The following LRMDA variants were observed in gnomAD, a reference collection of about 807,000 sequenced individuals.
The protein encoded by LRMDA is leucine rich melanocyte differentiation associated.
A neutral mutation model predicts 29.8 loss-of-function variants in LRMDA; 18 were observed. The ratio of observed to expected loss-of-function variants is 0.60; its 90% CI spans 0.42 to 0.90. The LOEUF is 0.90. Ranked by LOEUF, LRMDA falls within the 40% of genes least tolerant of loss-of-function variation. The pLI, the probability that LRMDA is intolerant of heterozygous loss-of-function variation, is 0.00. For missense variants in LRMDA, 273 were observed against 273.9 expected (o/e 1.00, Z 0.02); for synonymous variants, 125 against 109.4 (o/e 1.14, Z -0.89).
chr10:75,909,026 C>A lies in LRMDA; in HGVS notation c.132-126982C>A, dbSNP rs147737743. 4.5e-3 allele frequency among the ~76,000 whole-genome samples: 681 copies of A among 152,256 alleles called. 3 individuals carry two copies. Among genetic ancestry groups the A allele is most frequent in the Middle Eastern group, 0.017 (5 of 294 alleles). On this transcript the variant is annotated intron_variant, in intron 2 of 6. Coordinates refer to ENST00000611255, the MANE Select transcript of LRMDA (RefSeq NM_001305581.2). ...TTAACTAGTAACTAACTCCTTCATT[C>A]ATTCTACAAATATTTGTTAAATATT... is the stretch of plus-strand genomic sequence containing the variant.
intron 5 of LRMDA, among the ~76,000 whole-genome samples, chr10:76,147,242 A>G: frequency 6.6e-6 from 1 of 152,100 alleles, no homozygotes; most frequent in Non-Finnish European, 1.5e-5. Flanking sequence ...GCCTTGCTAG[A>G]TTGGGGAAGT....
At chr10:75,825,542 A>G (rs921124598) in intron 2 of LRMDA, among the ~76,000 whole-genome samples, 2 of 152,228 alleles carry the variant, frequency 1.3e-5, no homozygotes, top group African/African-American at 4.8e-5. Flanking sequence ...ATTTTAAAGC[A>G]AACGAATTCC....
At chr10:75,774,831 C>T (rs570816682) in intron 2 of LRMDA, among the ~76,000 whole-genome samples, 4 of 152,306 alleles carry the variant, frequency 2.6e-5, no homozygotes, top group East Asian at 3.9e-4. Context: ...GCAGCTTAGA[C>T]ATATTGGCTC....
At chr10:75,998,867 C>T (rs141908842) in intron 2 of LRMDA, among the ~76,000 whole-genome samples, 16 of 152,264 alleles carry the variant, frequency 1.1e-4, no homozygotes, top group South Asian at 4.1e-4. Context: ...GGCATGGGGA[C>T]GTCTAGGACC....
intron 2 of LRMDA, among the ~76,000 whole-genome samples, chr10:75,537,642 T>A (rs1378567406): frequency 2.0e-5 from 3 of 152,202 alleles, no homozygotes; most frequent in African/African-American, 7.2e-5. Flanking sequence ...GATTTGCAGA[T>A]GTGATCAAAG....
chr10:75,863,581 C>T (rs958333043), intron 2 of LRMDA, among the ~76,000 whole-genome samples: 3 of 152,196 alleles, frequency 2.0e-5, no homozygotes, highest in Non-Finnish European at 1.5e-5. Flanking sequence ...GTTTCCTCAC[C>T]TGTAAAATGG....
At chr10:76,351,803 G>A (rs925764087) in intron 6 of LRMDA, among the ~76,000 whole-genome samples, 8 of 152,068 alleles carry the variant, frequency 5.3e-5, no homozygotes, top group South Asian at 2.1e-4. Context: ...GCTCATTTGA[G>A]GTGCCACAGA....
At position 75,667,367 on chromosome 10, in the gene LRMDA, C is replaced by T. The variant is rs181085176; in HGVS notation, c.131+228873C>T. Among the ~76,000 whole-genome samples, 288 of 152,272 alleles carry T rather than the reference C, an allele frequency of 1.9e-3. 2 individuals carry two copies. The highest frequency in any genetic ancestry group is 6.7e-3 in the African/African-American group (279 of 41,542). On this transcript the variant is annotated intron_variant, in intron 2 of 6. Transcript: ENST00000611255. ...TTACCTAGGCTGGAGTGCAGTGGCA[C>T]GATCATGACTCACTGCAGTCTTAAC...
At chr10:76,389,954 C>T (rs1398975506) in intron 6 of LRMDA, among the ~76,000 whole-genome samples, 1 of 152,012 alleles carries the variant, frequency 6.6e-6, no homozygotes, top group Non-Finnish European at 1.5e-5. Context: ...CTTCTTAAGA[C>T]CTATAGATAA....
chr10:75,440,598 G>T (rs1226237191), intron 2 of LRMDA, among the ~76,000 whole-genome samples: 2 of 152,172 alleles, frequency 1.3e-5, no homozygotes, highest in South Asian at 4.1e-4. Context: ...TACCTAATTG[G>T]AGGGAAGAGC....
intron 5 of LRMDA, among the ~76,000 whole-genome samples, chr10:76,203,684 C>G (rs1301357244): frequency 6.6e-6 from 1 of 151,814 alleles, no homozygotes. Flanking sequence ...ATTCCATGTG[C>G]CCGTCCACCC....
chr10:76,005,549 G>A (rs1364348822), intron 2 of LRMDA, among the ~76,000 whole-genome samples: 1 of 152,094 alleles, frequency 6.6e-6, no homozygotes, highest in African/African-American at 2.4e-5. Flanking sequence ...GGAGTTTGAG[G>A]CTGCAGTGAG....
intron 6 of LRMDA, among the ~76,000 whole-genome samples, chr10:76,382,164 A>C (rs992407624): frequency 4.6e-5 from 7 of 152,188 alleles, no homozygotes; most frequent in Admixed American, 2.0e-4. Context: ...GATTATTTAA[A>C]ACACATAGAC....
At chr10:75,838,331 A>G (rs913361969) in intron 2 of LRMDA, among the ~76,000 whole-genome samples, 4 of 152,256 alleles carry the variant, frequency 2.6e-5, no homozygotes, top group Middle Eastern at 3.2e-3. Context: ...GTATCGTCTT[A>G]TGAAATATAA....
intron 6 of LRMDA, among the ~76,000 whole-genome samples, chr10:76,451,733 A>G (rs1387958219): frequency 2.0e-5 from 3 of 149,910 alleles, no homozygotes; most frequent in African/African-American, 4.9e-5. Flanking sequence ...TCTTGTCTCA[A>G]CACAACCTCC....
intron 6 of LRMDA, among the ~76,000 whole-genome samples, chr10:76,554,668 G>T (rs1288272421): frequency 1.3e-5 from 2 of 152,188 alleles, no homozygotes; most frequent in Non-Finnish European, 2.9e-5. Flanking sequence ...CAGAAAGAAG[G>T]CTCGGGAATG....
intron 2 of LRMDA, among the ~76,000 whole-genome samples, chr10:75,928,182 G>A (rs947890302): frequency 4.6e-5 from 7 of 152,196 alleles, no homozygotes; most frequent in Admixed American, 1.3e-4. Flanking sequence ...GTGAATTCAC[G>A]CGGCAGGGAG....
chr10:76,260,871 T>C (rs1424915070), intron 5 of LRMDA: 1 of 152,168 alleles, frequency 6.6e-6, no homozygotes, highest in African/African-American at 2.4e-5. Flanking sequence ...TGTATCATTA[T>C]AATTTGAGTA....
At chr10:75,679,490 G>T (rs1384690085) in intron 2 of LRMDA, among the ~76,000 whole-genome samples, 1 of 152,172 alleles carries the variant, frequency 6.6e-6, no homozygotes, top group Non-Finnish European at 1.5e-5. Context: ...TGGTGACATT[G>T]TAAAAGTCAT....
Sources: gnomAD v4.1 joint callset for allele counts (sites outside exome capture counted in the v4.1 genomes callset) on GRCh38, gnomAD v4.1.1 for gene constraint, MANE v1.5 for transcripts, NCBI Gene and HGNC (gene_info 2026-07-23, HGNC 2026-07-21) for gene names.